Variants in SEMA5A observed in about 807,000 individuals in gnomAD.
SEMA5A encodes the protein semaphorin-5A.
SEMA5A carries 55 observed loss-of-function variants against 135.5 expected under a neutral mutation model. That is an observed-to-expected ratio of 0.41 (90% CI 0.33 to 0.51). SEMA5A has a LOEUF of 0.51. Among genes scored for constraint, SEMA5A ranks in the 20% least tolerant of loss-of-function variants. The probability of loss-of-function intolerance (pLI) is 0.37; values close to 1 mark genes in which losing one functional copy is unlikely to be tolerated. For synonymous variants in SEMA5A, 580 were observed against 546.5 expected (o/e 1.06, Z -0.85); for missense variants, 1,290 against 1,419.9 (o/e 0.91, Z 1.47).
chr5:9,190,615 T>A (rs1479212885), intron 10 of SEMA5A, 144 bp from the exon 11 acceptor site: 3 of 706,082 alleles, frequency 4.2e-6, no homozygotes, highest in African/African-American at 1.8e-5. Flanking sequence ...TGCTTCTCCA[T>A]CCTCCCTGCA....
intron 1 of SEMA5A, among the ~76,000 whole-genome samples, chr5:9,443,750 C>G (rs562678933): frequency 6.0e-4 from 91 of 152,242 alleles, no homozygotes; most frequent in African/African-American, 2.1e-3. Context: ...GCTTCAGGTA[C>G]GAGGGAGGAG....
At chr5:9,099,547 T>C (rs994789756) in intron 16 of SEMA5A, among the ~76,000 whole-genome samples, 1 of 152,172 alleles carries the variant, frequency 6.6e-6, no homozygotes, top group Admixed American at 6.5e-5. Context: ...AAGGTCAAGG[T>C]CATGTCTTTA....
At chr5:9,538,268 CG>C (rs1737885657) in intron 1 of SEMA5A, among the ~76,000 whole-genome samples, 2 of 109,954 alleles carry the variant, frequency 1.8e-5, no homozygotes, top group Non-Finnish European at 3.9e-5. Context: ...TCTCTAAGAG[CG>C]GGGCGGGGGG....
chr5:9,119,682 A>ATAAC (rs1740706258), intron 14 of SEMA5A, among the ~76,000 whole-genome samples: 1 of 152,212 alleles, frequency 6.6e-6, no homozygotes, highest in Admixed American at 6.5e-5. Context: ...TACTGTTAGA[A>ATAAC]TAACTATCAA....
chr5:9,274,383 G>C (rs544533332), intron 5 of SEMA5A, among the ~76,000 whole-genome samples: 2 of 152,034 alleles, frequency 1.3e-5, no homozygotes, highest in African/African-American at 4.8e-5. Flanking sequence ...CTACACGATA[G>C]TGGGATATTT....
chr5:9,106,115 G>A (rs557130117), intron 16 of SEMA5A, among the ~76,000 whole-genome samples: 3 of 152,186 alleles, frequency 2.0e-5, no homozygotes, highest in East Asian at 3.9e-4. Flanking sequence ...CCTCATTGCC[G>A]CAATAACACC....
At chr5:9,304,717 T>C (rs546592636) in intron 5 of SEMA5A, among the ~76,000 whole-genome samples, 23 of 152,310 alleles carry the variant, frequency 1.5e-4, no homozygotes, top group Admixed American at 1.4e-3. Flanking sequence ...TCCATCAACA[T>C]AGATGCATGC....
intron 16 of SEMA5A, among the ~76,000 whole-genome samples, chr5:9,088,637 A>AATATATATATAT (rs71611400): frequency 3.7e-4 from 40 of 108,098 alleles, no homozygotes; most frequent in South Asian, 1.2e-3. Context: ...CTACATTTAT[A>AATATATATATAT]ATATATATAT....
chr5:9,122,506 A>G, intron 14 of SEMA5A, 150 bp downstream of exon 14: 1 of 765,194 alleles, frequency 1.3e-6, no homozygotes. Flanking sequence ...TCTCCTTGCA[A>G]AAATCATGTA....
intron 2 of SEMA5A, among the ~76,000 whole-genome samples, chr5:9,426,822 A>T (rs1461206738): frequency 1.3e-5 from 2 of 152,222 alleles, no homozygotes; most frequent in African/African-American, 4.8e-5. Flanking sequence ...ATGAGAGTCA[A>T]AGTTAGAAAA....
At chr5:9,120,255 C>T (rs1044240337) in intron 14 of SEMA5A, among the ~76,000 whole-genome samples, 3 of 152,038 alleles carry the variant, frequency 2.0e-5, no homozygotes, top group Non-Finnish European at 4.4e-5. Flanking sequence ...TATTAGCTCA[C>T]ATTAATTCTC....
intron 1 of SEMA5A, among the ~76,000 whole-genome samples, chr5:9,497,060 T>C (rs140540784): frequency 0.014 from 2,078 of 152,332 alleles, 17 homozygotes; most frequent in Non-Finnish European, 0.022. Context: ...TGCAATGCCT[T>C]ATTAAAGAGA....
chr5:9,427,067 C>A (rs368731084), intron 2 of SEMA5A, among the ~76,000 whole-genome samples: 1 of 152,164 alleles, frequency 6.6e-6, no homozygotes, highest in East Asian at 1.9e-4. Context: ...AATCCCAGCA[C>A]TTTGGGAGGC....
chr5:9,490,258 C>A (rs929523663), intron 1 of SEMA5A, among the ~76,000 whole-genome samples: 9 of 152,098 alleles, frequency 5.9e-5, no homozygotes, highest in African/African-American at 2.2e-4. Flanking sequence ...AAAGGCCTAA[C>A]ACAGCAGAGG....
chr5:9,199,468 C>G (rs1745588170), intron 9 of SEMA5A, among the ~76,000 whole-genome samples: 1 of 152,192 alleles, frequency 6.6e-6, no homozygotes, highest in South Asian at 2.1e-4. Context: ...TACATATTCA[C>G]TCGCTTCTTC....
chr5:9,296,883 A>C (rs1463187892), intron 5 of SEMA5A, among the ~76,000 whole-genome samples: 1 of 132,834 alleles, frequency 7.5e-6, no homozygotes, highest in African/African-American at 2.7e-5. Context: ...GTGAGACATT[A>C]TGCTCCAAAC....
chr5:9,340,341 A>G (rs901824528), intron 3 of SEMA5A, among the ~76,000 whole-genome samples: 2 of 152,216 alleles, frequency 1.3e-5, no homozygotes, highest in Admixed American at 6.5e-5. Flanking sequence ...AGGGAAGAAC[A>G]GAGGGCCAAG....
intron 10 of SEMA5A, among the ~76,000 whole-genome samples, chr5:9,195,174 C>A (rs1228900112): frequency 3.9e-5 from 6 of 152,068 alleles, no homozygotes. Flanking sequence ...ATAAATGATT[C>A]TTTTTTGATT....
At chr5:9,359,744 A>G (rs1011017460) in intron 3 of SEMA5A, among the ~76,000 whole-genome samples, 2 of 152,216 alleles carry the variant, frequency 1.3e-5, no homozygotes, top group African/African-American at 4.8e-5. Context: ...TTCAAATTAG[A>G]GTAACTCTCA....
Sources: gnomAD v4.1 joint callset for allele counts (sites outside exome capture counted in the v4.1 genomes callset) on GRCh38, gnomAD v4.1.1 for gene constraint, MANE v1.5 for transcripts, NCBI Gene and HGNC (gene_info 2026-07-23, HGNC 2026-07-21) for gene names.